STX8: variants seen among roughly 807,000 people sequenced by gnomAD.
STX8 encodes the protein syntaxin 8.
A neutral mutation model predicts 37.5 loss-of-function variants in STX8; 23 were observed. The ratio of observed to expected loss-of-function variants is 0.61; its 90% CI spans 0.44 to 0.87. The LOEUF is 0.87. STX8 is among the 40% of genes least tolerant of loss of function. The pLI is 0.00. For missense variants in STX8, 313 were observed against 284.7 expected (o/e 1.10, Z -0.71); for synonymous variants, 115 against 99.1 (o/e 1.16, Z -0.95).
chr17:9,339,772 A>G (rs1484234753), intron 7 of STX8, among the ~76,000 whole-genome samples: 1 of 152,208 alleles, frequency 6.6e-6, no homozygotes, highest in Non-Finnish European at 1.5e-5. Flanking sequence ...CATCACATAT[A>G]TAAGACAGAC....
At chr17:9,397,233 T>C (rs1912435861) in intron 6 of STX8, among the ~76,000 whole-genome samples, 1 of 152,066 alleles carries the variant, frequency 6.6e-6, no homozygotes, top group Non-Finnish European at 1.5e-5. Context: ...CCGTCTCTAC[T>C]AAAAATACAA....
At chr17:9,426,979 C>T (rs894968785) in intron 6 of STX8, among the ~76,000 whole-genome samples, 4 of 151,978 alleles carry the variant, frequency 2.6e-5, no homozygotes, top group African/African-American at 9.7e-5. Flanking sequence ...GTCTGAAATT[C>T]CCATTTTACC....
At chr17:9,434,901 A>G (rs1198397648) in intron 6 of STX8, among the ~76,000 whole-genome samples, 1 of 152,206 alleles carries the variant, frequency 6.6e-6, no homozygotes, top group East Asian at 1.9e-4. Context: ...GGTCATTCCC[A>G]TGGCATGTTG....
At position 9,507,284 on chromosome 17, in the gene STX8, C is replaced by A. The variant is rs750649694; in HGVS notation, c.324-2122G>T. Among the ~76,000 whole-genome samples the A allele has an allele frequency of 8.6e-5, 13 of 151,916 alleles. No individual in the cohort carries two copies. The highest frequency in any genetic ancestry group is 1.3e-4 in the Non-Finnish European group (9 of 67,964). ...TGCCCCTGGCAGACATACCCCCAGG[C>A]CAGCCAAGTAGCCATGTGTCCATAT... On this transcript the variant is annotated intron_variant, in intron 4 of 7. Coordinates refer to ENST00000306357, the MANE Select transcript of STX8 (RefSeq NM_004853.3). This position sits in a 1 kb window ranked among gnomAD's most constrained non-coding sequence, Gnocchi z 4.0.
chr17:9,260,595 G>C (rs1400581317), intron 7 of STX8, among the ~76,000 whole-genome samples: 2 of 152,220 alleles, frequency 1.3e-5, no homozygotes, highest in African/African-American at 4.8e-5. Flanking sequence ...CTGCACTCTA[G>C]CCTGGGCAAC....
chr17:9,490,670 C>T (rs1422929167), intron 6 of STX8, among the ~76,000 whole-genome samples: 4 of 152,152 alleles, frequency 2.6e-5, no homozygotes, highest in African/African-American at 9.7e-5. Flanking sequence ...CACCTGATAA[C>T]TTTTCTTGAA....
chr17:9,573,601 G>A (rs1907771054), intron 1 of STX8, among the ~76,000 whole-genome samples: 1 of 152,178 alleles, frequency 6.6e-6, no homozygotes. Context: ...CTGAGGCTGT[G>A]TCATGGGTGC....
At chr17:9,533,718 T>C (rs945862716) in intron 4 of STX8, among the ~76,000 whole-genome samples, 6 of 152,336 alleles carry the variant, frequency 3.9e-5, no homozygotes, top group East Asian at 3.9e-4. Flanking sequence ...GAATTGAACC[T>C]TGAGTCTCTG....
chr17:9,273,688 T>C (rs1907553296), intron 7 of STX8, among the ~76,000 whole-genome samples: 1 of 152,264 alleles, frequency 6.6e-6, no homozygotes, highest in Non-Finnish European at 1.5e-5. Context: ...TTGCTGATGA[T>C]TTCAAAATTT....
intron 7 of STX8, among the ~76,000 whole-genome samples, chr17:9,325,179 A>T (rs1909714006): frequency 6.6e-6 from 1 of 152,190 alleles, no homozygotes; most frequent in African/African-American, 2.4e-5. Context: ...CAATAGATTA[A>T]GGGTATTAAA....
intron 5 of STX8, among the ~76,000 whole-genome samples, chr17:9,504,216 T>C (rs6503221): frequency 0.71 from 108,171 of 151,918 alleles, 38,771 homozygotes; most frequent in Middle Eastern, 0.85. Context: ...CATATTAATC[T>C]GTTTCCAGTT....
chr17:9,417,083 C>T (rs1351556299), intron 6 of STX8, among the ~76,000 whole-genome samples: 8 of 152,152 alleles, frequency 5.3e-5, no homozygotes. Context: ...CAATCAGCAG[C>T]ACCCATTACT....
chr17:9,496,554 T>C (rs1456987308), intron 5 of STX8, among the ~76,000 whole-genome samples: 3 of 152,238 alleles, frequency 2.0e-5, no homozygotes, highest in Non-Finnish European at 4.4e-5. Flanking sequence ...GATGGATCAT[T>C]GTTACAGATA....
intron 5 of STX8, among the ~76,000 whole-genome samples, chr17:9,498,202 C>T (rs2142488616): frequency 6.6e-6 from 1 of 152,090 alleles, no homozygotes; most frequent in African/African-American, 2.4e-5. Flanking sequence ...CCAGCCTGGC[C>T]AACATGGCAA....
chr17:9,471,066 A>T (rs1342477081), intron 6 of STX8, among the ~76,000 whole-genome samples: 5 of 46,572 alleles, frequency 1.1e-4, no homozygotes, highest in Admixed American at 3.3e-4. Flanking sequence ...ACAGAGTCTT[A>T]CTCTGTCACC....
At chr17:9,495,729 G>C (rs1438046184) in intron 5 of STX8, among the ~76,000 whole-genome samples, 2 of 152,150 alleles carry the variant, frequency 1.3e-5, no homozygotes, top group African/African-American at 2.4e-5. Flanking sequence ...ACAATCCAAA[G>C]ACACAGAAGA....
intron 3 of STX8, chr17:9,547,246 C>CAAAAAAAAAAAAAAAAAAAAAAAAA (rs11300957): frequency 8.5e-5 from 11 of 129,630 alleles, no homozygotes; most frequent in African/African-American, 3.0e-4. Context: ...GACTCTGTCT[C>CAAAAAAAAAAAAAAAAAAAAAAAAA]AAAAAAAAAA....
rs1235970090 is a variant in STX8, at chr17:9,571,324, G to A, written c.18-2854C>T. Among the ~76,000 whole-genome samples the A allele has an allele frequency of 2.0e-5, 3 of 152,252 alleles. No individual in the cohort carries two copies. In the East Asian group the frequency reaches 5.8e-4, roughly 29 times the overall value. On this transcript the variant is annotated intron_variant, in intron 1 of 7. Coordinates refer to ENST00000306357, the MANE Select transcript of STX8 (RefSeq NM_004853.3). The stretch of plus-strand genomic sequence containing the variant: ...CTCAGCATTCTGACTCAACTGGTAT[G>A]GGGTTTGTCCTGGGCGTGCGTGGGG...
At chr17:9,353,176 G>A (rs1197106363) in intron 7 of STX8, among the ~76,000 whole-genome samples, 1 of 152,196 alleles carries the variant, frequency 6.6e-6, no homozygotes, top group Non-Finnish European at 1.5e-5. Context: ...TGGGATTACA[G>A]GCATGACTGC....
Sources: allele counts gnomAD v4.1 joint callset (sites outside exome capture counted in the v4.1 genomes callset), GRCh38; gene constraint gnomAD v4.1.1; non-coding constraint Gnocchi (gnomAD v3.1); transcripts MANE v1.5; gene names NCBI Gene and HGNC (gene_info 2026-07-23, HGNC 2026-07-21).